FREM1: variants seen among roughly 807,000 people sequenced by gnomAD.
FREM1 encodes FRAS1 related extracellular matrix 1, also known as FRAS1-related extracellular matrix protein 1.
In FREM1, 220 loss-of-function variants were observed where a neutral mutation model predicts 210.1. That is an observed-to-expected ratio of 1.05 (90% CI 0.94 to 1.17). The LOEUF is 1.17. FREM1 is among the 50% of genes most tolerant of loss of function. The probability of loss-of-function intolerance (pLI) is 0.00; values close to 1 mark genes in which losing one functional copy is unlikely to be tolerated. For missense variants in FREM1, 3,454 were observed against 2,675.5 expected (o/e 1.29, Z -6.42); for synonymous variants, 1,189 against 980.2 (o/e 1.21, Z -3.98).
Position 14,824,998 on chromosome 9 carries a change from A to G in FREM1, c.1882-6T>C. On this transcript the variant is annotated splice_region_variant and splice_polypyrimidine_tract_variant and intron_variant, in intron 10 of 36. Coordinates refer to ENST00000380880, the MANE Select transcript of FREM1 (RefSeq NM_001379081.2). The stretch of plus-strand genomic sequence containing the variant: ...GTTATATGGATTGTTGCCACCTGGA[A>G]TAAAAATGTCTGTACCATTAATTTG... The G allele has an allele frequency of 6.4e-7, 1 of 1,569,622 alleles. No homozygotes were observed. Among genetic ancestry groups the G allele is most frequent in the Non-Finnish European group, 8.6e-7 (1 of 1,166,834 alleles).
At chr9:14,865,398 C>G (rs965873467) in intron 2 of FREM1, among the ~76,000 whole-genome samples, 1 of 152,198 alleles carries the variant, frequency 6.6e-6, no homozygotes, top group Non-Finnish European at 1.5e-5. Context: ...GTTATCTGAA[C>G]AGAAGGCACT....
intron 31 of FREM1, 136 bp from the exon 32 acceptor site, chr9:14,747,864 C>CA (rs751699199): frequency 2.2e-5 from 11 of 511,218 alleles, no homozygotes; most frequent in Admixed American, 3.8e-5. Flanking sequence ...TTCCCACGCC[C>CA]AAATCATTGG....
At chr9:14,881,038 C>T (rs878946173) in intron 1 of FREM1, among the ~76,000 whole-genome samples, 3 of 152,188 alleles carry the variant, frequency 2.0e-5, no homozygotes, top group South Asian at 4.1e-4. Flanking sequence ...TGGGATTTCA[C>T]CCAACAGTTA....
chr9:14,805,963 C>G (rs930336273), intron 18 of FREM1, among the ~76,000 whole-genome samples: 12 of 152,188 alleles, frequency 7.9e-5, no homozygotes, highest in Non-Finnish European at 1.8e-4. Context: ...TTTCCTCACC[C>G]TTTCCACCAA....
chr9:14,807,913 T>C (rs775301032), intron 17 of FREM1, 27 bp downstream of exon 17: 141 of 1,539,188 alleles, frequency 9.2e-5, no homozygotes, highest in Non-Finnish European at 1.8e-6. Context: ...CAGACAATAG[T>C]ACTGGAACAA....
At chr9:14,789,356 T>C (rs145295555) in intron 22 of FREM1, among the ~76,000 whole-genome samples, 135 of 152,298 alleles carry the variant, frequency 8.9e-4, no homozygotes, top group African/African-American at 3.2e-3. Flanking sequence ...GTCAAACAAT[T>C]CAACAGCATT....
intron 10 of FREM1, among the ~76,000 whole-genome samples, chr9:14,833,038 A>T (rs748755258): frequency 9.2e-5 from 14 of 152,164 alleles, no homozygotes; most frequent in Non-Finnish European, 1.9e-4. Flanking sequence ...ATAATCGGTA[A>T]CCATGTGGCA....
At chr9:14,818,785 T>C (rs1820762293) in intron 14 of FREM1, among the ~76,000 whole-genome samples, 2 of 152,190 alleles carry the variant, frequency 1.3e-5, no homozygotes. Flanking sequence ...CCTGCCCTAG[T>C]AGAACGGAAT....
At chr9:14,765,983 T>C (rs1468736944) in intron 27 of FREM1, among the ~76,000 whole-genome samples, 3 of 152,130 alleles carry the variant, frequency 2.0e-5, no homozygotes, top group Non-Finnish European at 2.9e-5. Context: ...GTAACTTAGT[T>C]TGGGGCTTCT....
intron 5 of FREM1, among the ~76,000 whole-genome samples, chr9:14,854,122 A>G (rs1397314950): frequency 1.3e-5 from 2 of 152,216 alleles, no homozygotes. Flanking sequence ...TTCACCGTAC[A>G]TATTACAAAT....
intron 21 of FREM1, among the ~76,000 whole-genome samples, chr9:14,793,893 G>T (rs771834955): frequency 1.3e-5 from 2 of 152,146 alleles, no homozygotes; most frequent in African/African-American, 2.4e-5. Context: ...AGTGGGTGGT[G>T]ACATTTGCAC....
chr9:14,848,859 TG>T (rs1827159508), intron 6 of FREM1, 86 bp from the exon 7 acceptor site: 4 of 703,354 alleles, frequency 5.7e-6, no homozygotes, highest in Middle Eastern at 7.5e-4. Flanking sequence ...CCACACACAG[TG>T]GATTCAGTTT....
At chr9:14,753,921 A>C (rs144055149) in intron 29 of FREM1, among the ~76,000 whole-genome samples, 237 of 152,350 alleles carry the variant, frequency 1.6e-3, no homozygotes, top group African/African-American at 5.3e-3. Context: ...AATAATATCT[A>C]AAATCATAAG....
chr9:14,748,746 GT>G, intron 30 of FREM1, 107 bp from the exon 31 acceptor site: 1 of 720,316 alleles, frequency 1.4e-6, no homozygotes. Flanking sequence ...TAGATGGATG[GT>G]TTTCCCACCA....
chr9:14,790,975 T>G (rs1851200223), intron 22 of FREM1: 1 of 152,240 alleles, frequency 6.6e-6, no homozygotes, highest in Non-Finnish European at 1.5e-5. Flanking sequence ...TTCTCTATGG[T>G]GCCTACAATC....
At chr9:14,806,944 G>C (rs1289666701) in intron 17 of FREM1, 98 bp from the exon 18 acceptor site, 4 of 638,564 alleles carry the variant, frequency 6.3e-6, no homozygotes, top group Admixed American at 3.4e-5. Flanking sequence ...GTTCAGAGAA[G>C]CCTCCCACGT....
chr9:14,855,171 G>C (rs957071700), intron 5 of FREM1, among the ~76,000 whole-genome samples: 6 of 152,020 alleles, frequency 3.9e-5, no homozygotes, highest in African/African-American at 1.4e-4. Context: ...GGCCTATTAT[G>C]TTTAGAATAA....
intron 20 of FREM1, among the ~76,000 whole-genome samples, 197 bp from the exon 21 acceptor site, chr9:14,797,839 T>C (rs1395321364): frequency 6.6e-6 from 1 of 152,192 alleles, no homozygotes; most frequent in Non-Finnish European, 1.5e-5. Flanking sequence ...ATTTAAATAA[T>C]TTAGTATTTG....
chr9:14,768,678 A>C (rs907655954), intron 27 of FREM1, among the ~76,000 whole-genome samples: 1 of 152,168 alleles, frequency 6.6e-6, no homozygotes, highest in Non-Finnish European at 1.5e-5. Context: ...AAAGGAGGCT[A>C]GCTTTTTTCT....
Sources: allele counts gnomAD v4.1 joint callset (sites outside exome capture counted in the v4.1 genomes callset), GRCh38; gene constraint gnomAD v4.1.1; transcripts MANE v1.5; gene names NCBI Gene and HGNC (gene_info 2026-07-23, HGNC 2026-07-21).